Variants in CREB5 observed in about 807,000 individuals in gnomAD.
CREB5 encodes cAMP responsive element binding protein 5, also known as cyclic AMP-responsive element-binding protein 5.
Under a neutral mutation model 57.1 loss-of-function variants are expected in CREB5, and 19 were observed. The observed-to-expected ratio is 0.33, with a 90% CI of 0.23 to 0.49. The LOEUF (loss-of-function observed/expected upper bound fraction) is 0.49. CREB5 is among the 20% of genes least tolerant of loss of function. The probability of loss-of-function intolerance (pLI) is 0.99; values close to 1 mark genes in which losing one functional copy is unlikely to be tolerated. For synonymous variants in CREB5, 238 were observed against 238.3 expected (o/e 1.00, Z 0.01); for missense variants, 579 against 671.6 (o/e 0.86, Z 1.52).
At chr7:28,445,792 C>G (rs562944372) in intron 1 of CREB5, among the ~76,000 whole-genome samples, 1,957 of 151,748 alleles carry the variant, frequency 0.013, 53 homozygotes, top group African/African-American at 0.045. Context: ...ACCTCATGAT[C>G]CGCCTGCCTC....
At chr7:28,492,522 A>T (rs559439972) in intron 2 of CREB5, among the ~76,000 whole-genome samples, 58 of 152,032 alleles carry the variant, frequency 3.8e-4, no homozygotes, top group South Asian at 3.7e-3. Context: ...CTGCTGAATT[A>T]AAAAAAATCA....
At chr7:28,331,421 AG>A in intron 1 of CREB5, among the ~76,000 whole-genome samples, 1 of 152,302 alleles carries the variant, frequency 6.6e-6, no homozygotes, top group South Asian at 2.1e-4. Context: ...TATATAAAAA[AG>A]TAAAGTCTTT....
chr7:28,565,193 G>A (rs1795430244), intron 4 of CREB5, among the ~76,000 whole-genome samples: 1 of 152,354 alleles, frequency 6.6e-6, no homozygotes, highest in East Asian at 1.9e-4. Context: ...GAGAATCTTA[G>A]CAATAGAAGA....
chr7:28,560,975 T>TGTGCGTGC (rs1554344544), intron 4 of CREB5, among the ~76,000 whole-genome samples: 1 of 23,408 alleles, frequency 4.3e-5, no homozygotes, highest in Non-Finnish European at 1.2e-4. Flanking sequence ...TGTGTGTGCG[T>TGTGCGTGC]GTGTGCGTGC....
chr7:28,768,139 G>A (rs551578651), intron 7 of CREB5, among the ~76,000 whole-genome samples: 20 of 152,158 alleles, frequency 1.3e-4, no homozygotes, highest in East Asian at 3.8e-4. Flanking sequence ...GGGTGGGGAG[G>A]CAGAGTCTGA....
At chr7:28,302,325 A>T (rs1229367308) in intron 1 of CREB5, among the ~76,000 whole-genome samples, 2 of 152,214 alleles carry the variant, frequency 1.3e-5, no homozygotes, top group Non-Finnish European at 2.9e-5. Context: ...ACAAACATTT[A>T]TGCAATTCTC....
chr7:28,380,178 G>T (rs760467933), intron 1 of CREB5, among the ~76,000 whole-genome samples: 2 of 152,292 alleles, frequency 1.3e-5, no homozygotes, highest in South Asian at 2.1e-4. Flanking sequence ...CCCTAAGGAC[G>T]TCTGGTCTGA....
intron 7 of CREB5, among the ~76,000 whole-genome samples, chr7:28,800,431 G>A (rs771072999): frequency 2.0e-5 from 3 of 152,240 alleles, no homozygotes; most frequent in Non-Finnish European, 1.5e-5. Flanking sequence ...ACGCCCTGCA[G>A]GGACCACAGC....
intron 4 of CREB5, among the ~76,000 whole-genome samples, chr7:28,560,894 G>GCGCGCC (rs1795152837): frequency 2.2e-5 from 1 of 45,820 alleles, no homozygotes; most frequent in Non-Finnish European, 3.8e-5. Flanking sequence ...GTGCGTGTGT[G>GCGCGCC]TGCGTGCGCG....
rs541229355 is a variant in CREB5 at position 28,753,985 on chromosome 7, T to TA, written c.702+29666dup. 5.1e-3 allele frequency among the ~76,000 whole-genome samples: 711 copies of TA among 139,128 alleles called. 1 individual carries two copies. The highest frequency in any genetic ancestry group is 0.011 in the Middle Eastern group (3 of 272). 91.3% of individuals were successfully genotyped at this position (139,128 alleles called of 152,430 possible). ...GGTTAGTCTTTAAAATTAAACTCAT[T>TA]AAAAAAAAAAAAACCTCCCTCAACC... On this transcript the variant is annotated intron_variant, in intron 7 of 10. Transcript: ENST00000357727.
At chr7:28,475,055 G>T (rs1791000024) in intron 1 of CREB5, among the ~76,000 whole-genome samples, 1 of 152,060 alleles carries the variant, frequency 6.6e-6, no homozygotes. Context: ...GCATTGGGAG[G>T]TGACCAGATT....
At chr7:28,797,037 C>A (rs894375647) in intron 7 of CREB5, among the ~76,000 whole-genome samples, 1 of 152,198 alleles carries the variant, frequency 6.6e-6, no homozygotes, top group Non-Finnish European at 1.5e-5. Context: ...TCATTAATTT[C>A]TTCATTCAGC....
At chr7:28,638,255 A>T (rs1798503970) in intron 5 of CREB5, among the ~76,000 whole-genome samples, 1 of 139,822 alleles carries the variant, frequency 7.2e-6, no homozygotes, top group Non-Finnish European at 1.5e-5. Flanking sequence ...ATCTTAAAGA[A>T]AGAAACTAGA....
At chr7:28,374,810 A>G (rs1260472223) in intron 1 of CREB5, among the ~76,000 whole-genome samples, 2 of 152,160 alleles carry the variant, frequency 1.3e-5, no homozygotes, top group Non-Finnish European at 2.9e-5. Context: ...TCCCTTTGGG[A>G]ATATCCATCC....
At chr7:28,761,301 C>G (rs1334607877) in intron 7 of CREB5, among the ~76,000 whole-genome samples, 1 of 152,104 alleles carries the variant, frequency 6.6e-6, no homozygotes, top group East Asian at 1.9e-4. Context: ...AGCGATGGAC[C>G]CTTGGGTAAG....
chr7:28,760,745 A>G (rs1035964615), intron 7 of CREB5, among the ~76,000 whole-genome samples: 5 of 152,212 alleles, frequency 3.3e-5, no homozygotes, highest in Admixed American at 1.3e-4. Context: ...AAGAAGAAAA[A>G]GAAAGTAGTA....
Position 28,753,817 on chromosome 7 carries a change from A to G in CREB5, c.702+29485A>G, listed in dbSNP as rs377564056. On this transcript the variant is annotated intron_variant, in intron 7 of 10. Coordinates refer to ENST00000357727, the MANE Select transcript of CREB5 (RefSeq NM_182898.4). ...AAAAAATTCAATATCTAGCTTTTCCATGGTTGGCTTTCTAAATCTAATTAG... is the reference window on the plus strand; with the variant it reads ...AAAAAATTCAATATCTAGCTTTTCCGTGGTTGGCTTTCTAAATCTAATTAG... Among the ~76,000 whole-genome samples the G allele has an allele frequency of 7.9e-5, 12 of 152,294 alleles. No homozygotes were observed. The East Asian group carries it at 1.5e-3, about 20-fold the overall frequency.
At chr7:28,357,580 A>G (rs1053648838) in intron 1 of CREB5, among the ~76,000 whole-genome samples, 3 of 152,170 alleles carry the variant, frequency 2.0e-5, no homozygotes, top group African/African-American at 4.8e-5. Context: ...AAGAAAATAA[A>G]ATTACTCTCA....
chr7:28,560,879 C>CGCGTGT (rs1795131480), intron 4 of CREB5, among the ~76,000 whole-genome samples: 1 of 22,060 alleles, frequency 4.5e-5, no homozygotes. Flanking sequence ...CGTGCGCGTG[C>CGCGTGT]GTGCGTGCGT....
Sources: gnomAD v4.1 joint callset for allele counts (sites outside exome capture counted in the v4.1 genomes callset) on GRCh38, gnomAD v4.1.1 for gene constraint, MANE v1.5 for transcripts, NCBI Gene and HGNC (gene_info 2026-07-23, HGNC 2026-07-21) for gene names.